The following TBXAS1 variants were observed in gnomAD, a reference collection of about 807,000 sequenced individuals.
The protein encoded by TBXAS1 is thromboxane-A synthase.
TBXAS1 carries 48 observed loss-of-function variants against 60.7 expected under a neutral mutation model. The ratio of observed to expected loss-of-function variants is 0.79; its 90% CI spans 0.63 to 1.01. The LOEUF (loss-of-function observed/expected upper bound fraction) is 1.01, where lower values mean the gene tolerates loss of function less well. Among genes scored for constraint, TBXAS1 ranks in the 50% least tolerant of loss-of-function variants. The pLI is 0.00. For synonymous variants in TBXAS1, 287 were observed against 269.7 expected (o/e 1.06, Z -0.63); for missense variants, 685 against 686.3 (o/e 1.00, Z 0.02).
chr7:139,929,747 C>T (rs558835417), intron 4 of TBXAS1, among the ~76,000 whole-genome samples: 2 of 152,108 alleles, frequency 1.3e-5, no homozygotes, highest in Non-Finnish European at 2.9e-5. Flanking sequence ...ATCCTGTTGG[C>T]TCTACCTTCA....
At chr7:139,911,004 G>A (rs955415425) in intron 3 of TBXAS1, among the ~76,000 whole-genome samples, 22 of 152,176 alleles carry the variant, frequency 1.4e-4, no homozygotes, top group African/African-American at 4.8e-4. Flanking sequence ...TCCAGGGACC[G>A]GTGCAAGGTG....
chr7:139,898,775 A>T (rs1208562748), intron 3 of TBXAS1, among the ~76,000 whole-genome samples: 1 of 152,160 alleles, frequency 6.6e-6, no homozygotes, highest in Non-Finnish European at 1.5e-5. Flanking sequence ...CAGCATTTTC[A>T]TTAAACTTTA....
upstream of TBXAS1, among the ~76,000 whole-genome samples, chr7:139,826,807 C>T (rs73733508): frequency 0.073 from 11,159 of 152,158 alleles, 1,386 homozygotes; most frequent in African/African-American, 0.26. Flanking sequence ...ATATTTTCAG[C>T]CATCAGTGCT....
At chr7:139,788,184 T>C (rs1001535938) in intron 4 of TBXAS1, among the ~76,000 whole-genome samples, 2 of 152,204 alleles carry the variant, frequency 1.3e-5, no homozygotes, top group Non-Finnish European at 2.9e-5. Context: ...TTAATGAAAA[T>C]AAACGTGCCA....
intron 1 of TBXAS1, among the ~76,000 whole-genome samples, chr7:139,779,394 C>G (rs532469121): frequency 9.2e-5 from 14 of 152,302 alleles, no homozygotes; most frequent in African/African-American, 2.9e-4. Flanking sequence ...CTTCCTATCC[C>G]TTCTCTTAAC....
At chr7:139,813,169 G>A (rs1455748448) in intron 4 of TBXAS1, among the ~76,000 whole-genome samples, 1 of 152,192 alleles carries the variant, frequency 6.6e-6, no homozygotes, top group Non-Finnish European at 1.5e-5. Flanking sequence ...GGGTCACTCA[G>A]TTCATCCTCT....
intron 5 of TBXAS1, among the ~76,000 whole-genome samples, chr7:139,948,856 C>A (rs1808967683): frequency 1.3e-5 from 2 of 152,238 alleles, no homozygotes; most frequent in Non-Finnish European, 2.9e-5. Flanking sequence ...TATTCCGTAA[C>A]TGCTGTGTAA....
intron 1 of TBXAS1, among the ~76,000 whole-genome samples, chr7:139,840,343 A>G (rs1356126262): frequency 6.6e-6 from 1 of 152,182 alleles, no homozygotes; most frequent in African/African-American, 2.4e-5. Context: ...CGCCTCCAGC[A>G]TGTGGGGACT....
At chr7:140,003,350 C>T (rs970128652) in intron 9 of TBXAS1, among the ~76,000 whole-genome samples, 2 of 152,002 alleles carry the variant, frequency 1.3e-5, no homozygotes, top group Admixed American at 1.3e-4. Flanking sequence ...GTTACAGGCA[C>T]CCACCACCAT....
intron 4 of TBXAS1, among the ~76,000 whole-genome samples, chr7:139,935,841 G>A (rs1437259563): frequency 2.0e-5 from 3 of 152,274 alleles, no homozygotes; most frequent in South Asian, 2.1e-4. Context: ...GGAAAGACTA[G>A]GCCATCTCCA....
chr7:139,985,881 T>C (rs968591197), intron 9 of TBXAS1, among the ~76,000 whole-genome samples: 7 of 152,066 alleles, frequency 4.6e-5, no homozygotes, highest in East Asian at 1.9e-4. Flanking sequence ...CCCTCCCCCA[T>C]AGTGTGTGGA....
intron 1 of TBXAS1, among the ~76,000 whole-genome samples, chr7:139,856,047 G>A (rs1800560482): frequency 6.6e-6 from 1 of 152,130 alleles, no homozygotes; most frequent in Admixed American, 6.6e-5. Flanking sequence ...ATTCAGACTC[G>A]AGGTGAATTT....
chr7:139,895,668 C>T (rs1365332982), intron 3 of TBXAS1, among the ~76,000 whole-genome samples: 1 of 152,248 alleles, frequency 6.6e-6, no homozygotes, highest in East Asian at 1.9e-4. Flanking sequence ...ATCTGGACGA[C>T]ATGTCTTGAT....
At chr7:139,822,487 G>T (rs1048540352) in intron 4 of TBXAS1, among the ~76,000 whole-genome samples, 1 of 152,110 alleles carries the variant, frequency 6.6e-6, no homozygotes, top group Non-Finnish European at 1.5e-5. Context: ...CCCTACTTCA[G>T]ATTTTTCTCC....
intron 3 of TBXAS1, among the ~76,000 whole-genome samples, chr7:139,894,504 A>G (rs1381153209): frequency 6.6e-6 from 1 of 152,170 alleles, no homozygotes; most frequent in Non-Finnish European, 1.5e-5. Flanking sequence ...AGGCAAGAAG[A>G]TCCCTAAAGA....
At chr7:139,904,761 GT>G (rs1804838933) in intron 3 of TBXAS1, among the ~76,000 whole-genome samples, 1 of 152,138 alleles carries the variant, frequency 6.6e-6, no homozygotes, top group African/African-American at 2.4e-5. Flanking sequence ...CATTGTTGGT[GT>G]ATAGAAGAGC....
intron 1 of TBXAS1, among the ~76,000 whole-genome samples, chr7:139,836,255 C>A (rs900836455): frequency 6.6e-6 from 1 of 152,088 alleles, no homozygotes; most frequent in African/African-American, 2.4e-5. Context: ...AAGCAATCTA[C>A]AAATTCAATG....
chr7:139,948,480 C>G (rs1046104032), intron 5 of TBXAS1, among the ~76,000 whole-genome samples: 1 of 152,126 alleles, frequency 6.6e-6, no homozygotes, highest in African/African-American at 2.4e-5. Context: ...TTGAGGCAAC[C>G]CAAACATTCA....
At position 139,937,275 on chromosome 7, in the gene TBXAS1, T is replaced by C. The variant is rs141595967; in HGVS notation, c.450+968T>C. ...CTTCCAAAGCTTGGCTTGAGTGCCCTGGGCTTCTGCCATCCACCCTGTCTG... is the reference window on the plus strand; with the variant it reads ...CTTCCAAAGCTTGGCTTGAGTGCCCCGGGCTTCTGCCATCCACCCTGTCTG... On this transcript the variant is annotated intron_variant, in intron 5 of 12. Transcript: ENST00000448866. Among the ~76,000 whole-genome samples, 77 of 152,342 alleles carry C rather than the reference T, an allele frequency of 5.1e-4. No individual in the cohort carries two copies. In the Middle Eastern group the frequency reaches 0.024, roughly 47 times the overall value.
Sources: gnomAD v4.1 joint callset for allele counts (sites outside exome capture counted in the v4.1 genomes callset) on GRCh38, gnomAD v4.1.1 for gene constraint, MANE v1.5 for transcripts, NCBI Gene and HGNC (gene_info 2026-07-23, HGNC 2026-07-21) for gene names.